SLC25A13: variants seen among roughly 807,000 people sequenced by gnomAD.
The protein encoded by SLC25A13 is electrogenic aspartate/glutamate antiporter SLC25A13, mitochondrial.
A neutral mutation model predicts 85.5 loss-of-function variants in SLC25A13; 70 were observed. The ratio of observed to expected loss-of-function variants is 0.82; its 90% CI spans 0.68 to 1.00. SLC25A13 has a LOEUF of 1.00. Among genes scored for constraint, SLC25A13 ranks in the 50% least tolerant of loss-of-function variants. The probability of loss-of-function intolerance (pLI) is 0.00; values close to 1 mark genes in which losing one functional copy is unlikely to be tolerated. For missense variants in SLC25A13, 765 were observed against 819.8 expected (o/e 0.93, Z 0.82); for synonymous variants, 259 against 288.7 (o/e 0.90, Z 1.04).
intron 1 of SLC25A13, among the ~76,000 whole-genome samples, chr7:96,308,697 C>G (rs1381238917): frequency 6.6e-6 from 1 of 151,604 alleles, no homozygotes; most frequent in African/African-American, 2.4e-5. Context: ...ATCCAGAAGC[C>G]ATAAAGAAAA....
intron 13 of SLC25A13, among the ~76,000 whole-genome samples, chr7:96,153,432 T>C (rs748247893): frequency 1.3e-5 from 2 of 152,238 alleles, no homozygotes; most frequent in African/African-American, 2.4e-5. Flanking sequence ...GGTGAGTTCA[T>C]AGGCTCACAC....
At chr7:96,279,225 T>C (rs1376742584) in intron 2 of SLC25A13, among the ~76,000 whole-genome samples, 1 of 152,236 alleles carries the variant, frequency 6.6e-6, no homozygotes, top group Non-Finnish European at 1.5e-5. Context: ...TGGTCTATTA[T>C]ATTTGTTGCA....
At chr7:96,242,517 G>A (rs7796384) in intron 3 of SLC25A13, among the ~76,000 whole-genome samples, 83,884 of 151,992 alleles carry the variant, frequency 0.55, 24,330 homozygotes, top group Non-Finnish European at 0.64. Context: ...TGGCCATGAC[G>A]GGAAGTGGGG....
chr7:96,279,695 T>C (rs999066734), intron 2 of SLC25A13, among the ~76,000 whole-genome samples: 2 of 152,240 alleles, frequency 1.3e-5, no homozygotes, highest in Non-Finnish European at 2.9e-5. Flanking sequence ...ATATCACCAG[T>C]CTTTCTTCAT....
chr7:96,212,762 G>T (rs1387290389), intron 4 of SLC25A13, among the ~76,000 whole-genome samples: 1 of 152,120 alleles, frequency 6.6e-6, no homozygotes, highest in Non-Finnish European at 1.5e-5. Flanking sequence ...AAAGCCCCCG[G>T]GGCATGATGC....
At chr7:96,203,400 G>A (rs572009638) in intron 5 of SLC25A13, among the ~76,000 whole-genome samples, 1 of 152,052 alleles carries the variant, frequency 6.6e-6, no homozygotes, top group African/African-American at 2.4e-5. Context: ...AAAATTTGGG[G>A]GGTAAAAACT....
intron 3 of SLC25A13, among the ~76,000 whole-genome samples, chr7:96,253,270 G>A (rs1378182959): frequency 1.3e-5 from 2 of 152,258 alleles, no homozygotes; most frequent in South Asian, 2.1e-4. Context: ...CAGGAATTGG[G>A]GAAGAAAAGT....
At chr7:96,171,267 A>G (rs1169204910) in intron 12 of SLC25A13, among the ~76,000 whole-genome samples, 3 of 152,214 alleles carry the variant, frequency 2.0e-5, no homozygotes, top group Admixed American at 2.0e-4. Context: ...AGCAACCACC[A>G]AAAGTCCTCA....
intron 3 of SLC25A13, among the ~76,000 whole-genome samples, chr7:96,263,555 C>T (rs528851486): frequency 2.0e-5 from 3 of 152,190 alleles, no homozygotes; most frequent in East Asian, 3.9e-4. Flanking sequence ...CTAACCCCCA[C>T]CCATTCAAAT....
At position 96,120,616 on chromosome 7, in the gene SLC25A13, C is replaced by G. The variant is rs995908248; in HGVS notation, c.*575G>C. ...TACCAGTAACAATATGATTACTAAA[C>G]ATCTCCAATGTGGTTTTCATTACAA... On this transcript the variant is annotated 3_prime_UTR_variant, in exon 18 of 18. Coordinates refer to ENST00000265631, the MANE Select transcript of SLC25A13 (RefSeq NM_014251.3). The G allele has an allele frequency of 6.6e-6, 3 of 454,488 alleles. No individual in the cohort carries two copies. The highest frequency in any genetic ancestry group is 1.3e-5 in the Non-Finnish European group (3 of 226,778). 28.2% of individuals were successfully genotyped at this position (454,488 alleles called of 1,614,324 possible). A position where few individuals can be genotyped will look rare whatever the true frequency, so the allele number is the denominator to read the frequency against.
intron 5 of SLC25A13, among the ~76,000 whole-genome samples, chr7:96,193,740 C>T (rs761477191): frequency 5.3e-5 from 8 of 152,158 alleles, no homozygotes; most frequent in Non-Finnish European, 7.3e-5. Context: ...GGAGGGCTGT[C>T]GTGTGTACCC....
intron 10 of SLC25A13, 31 bp from the exon 11 acceptor site, chr7:96,184,466 G>A: frequency 1.2e-6 from 2 of 1,605,228 alleles, no homozygotes; most frequent in South Asian, 2.2e-5. Flanking sequence ...TATCTCAGAA[G>A]AAAGTAAGAT....
At chr7:96,216,879 T>C (rs1795920025) in intron 4 of SLC25A13, among the ~76,000 whole-genome samples, 1 of 151,476 alleles carries the variant, frequency 6.6e-6, no homozygotes, top group African/African-American at 2.4e-5. Flanking sequence ...AACCTGCACA[T>C]GTACCCCTGA....
At chr7:96,315,729 A>G (rs921177719) in intron 1 of SLC25A13, among the ~76,000 whole-genome samples, 1 of 152,198 alleles carries the variant, frequency 6.6e-6, no homozygotes, top group Non-Finnish European at 1.5e-5. Context: ...TTCCTAGCAC[A>G]AAAACTGATT....
chr7:96,235,981 C>G (rs952714751), intron 3 of SLC25A13, among the ~76,000 whole-genome samples: 11 of 152,036 alleles, frequency 7.2e-5, no homozygotes, highest in African/African-American at 2.7e-4. Flanking sequence ...TGAGATACTC[C>G]AAGTTTCCGG....
At chr7:96,182,213 T>C (rs1473254753) in intron 11 of SLC25A13, among the ~76,000 whole-genome samples, 1 of 152,238 alleles carries the variant, frequency 6.6e-6, no homozygotes, top group Non-Finnish European at 1.5e-5. Flanking sequence ...TGTATCATTA[T>C]TATTTTAACC....
chr7:96,125,405 T>C (rs1336171521), intron 15 of SLC25A13, among the ~76,000 whole-genome samples: 2 of 152,154 alleles, frequency 1.3e-5, no homozygotes, highest in East Asian at 1.9e-4. Context: ...AAATTCACTT[T>C]TTAATTGCTT....
chr7:96,248,956 C>T (rs981165895), intron 3 of SLC25A13, among the ~76,000 whole-genome samples: 4 of 152,142 alleles, frequency 2.6e-5, no homozygotes, highest in Non-Finnish European at 5.9e-5. Context: ...ACGGTAGTGA[C>T]TGGGAAAAGT....
intron 4 of SLC25A13, among the ~76,000 whole-genome samples, chr7:96,232,938 C>T (rs1796609324): frequency 6.6e-6 from 1 of 152,192 alleles, no homozygotes; most frequent in Non-Finnish European, 1.5e-5. Context: ...CATCCTGCTT[C>T]TTCACTATCA....
Sources: gnomAD v4.1 joint callset for allele counts (sites outside exome capture counted in the v4.1 genomes callset) on GRCh38, gnomAD v4.1.1 for gene constraint, MANE v1.5 for transcripts, NCBI Gene and HGNC (gene_info 2026-07-23, HGNC 2026-07-21) for gene names.